The following TRIM63 variants were observed in gnomAD, a reference collection of about 807,000 sequenced individuals.
TRIM63 encodes the protein tripartite motif containing 63.
In TRIM63, 48 loss-of-function variants were observed where a neutral mutation model predicts 46.0. The observed-to-expected ratio is 1.04, with a 90% CI of 0.83 to 1.33. The LOEUF (loss-of-function observed/expected upper bound fraction) is 1.33. TRIM63 is among the 40% of genes most tolerant of loss of function. TRIM63 has a pLI of 0.00. For synonymous variants in TRIM63, 175 were observed against 162.8 expected, an observed-to-expected ratio of 1.08 and a Z score of -0.57; for missense variants, 455 against 441.2, an observed-to-expected ratio of 1.03 and a Z score of -0.28.
chr1:26,060,501 G>A (rs1047814527), intron 3 of TRIM63, 140 bp from the exon 4 acceptor site: 11 of 633,718 alleles, frequency 1.7e-5, no homozygotes, highest in South Asian at 1.1e-4. Context: ...CCCCTCTTTC[G>A]GGTATAGCTC....
intron 2 of TRIM63, among the ~76,000 whole-genome samples, chr1:26,062,104 C>T (rs2050631335): frequency 6.6e-6 from 1 of 151,942 alleles, no homozygotes; most frequent in Non-Finnish European, 1.5e-5. Context: ...CCCGTCTCTA[C>T]TAAAAACTCA....
Position 26,061,354 on chromosome 1 carries a change from C to T in TRIM63, c.333-20G>A, listed in dbSNP as rs766160846. 1.2e-6 allele frequency: 2 copies of T among 1,611,634 alleles called. No homozygotes were observed. The highest frequency in any genetic ancestry group is 1.3e-5 in the African/African-American group (1 of 75,036). ...GGCCGACTGCAGTGGAGAACAGTCACAAGTCATGGGGGTCCTGTGTCCCTG... is the reference window on the plus strand; with the variant it reads ...GGCCGACTGCAGTGGAGAACAGTCATAAGTCATGGGGGTCCTGTGTCCCTG... On this transcript the variant is annotated intron_variant, in intron 2 of 8. Coordinates refer to ENST00000374272, the MANE Select transcript of TRIM63 (RefSeq NM_032588.4).
chr1:26,061,059 C>T, intron 3 of TRIM63, 107 bp downstream of exon 3: 1 of 1,281,200 alleles, frequency 7.8e-7, no homozygotes. Flanking sequence ...AGAGACTATT[C>T]CTGAAAGGCC....
In TRIM63 at chr1:26,058,456, C is replaced by A. The variant is rs1265332628; in HGVS notation, c.765G>T (p.Lys255Asn). The A allele has an allele frequency of 1.2e-6, 2 of 1,614,200 alleles. No individual in the cohort carries two copies. The highest frequency in any genetic ancestry group is 2.2e-5 in the South Asian group (2 of 91,078). ...TGGCAGTTTCCACCAGCTTTGTGGA[C>A]TTGTCCAGCTGCTCCTGGTACTGCT... ...LIQQYQEQLD[K>N]STKLVETAIQ... The change falls in exon 5 of 9, where the codon AAG (lysine) becomes AAT (asparagine). Residue 255 changes from lysine to asparagine, a missense_variant. By Grantham distance (94) the Lys-to-Asn change is moderately conservative. Transcript: ENST00000374272.
At chr1:26,053,008 A>G (rs1411138969) in intron 8 of TRIM63, among the ~76,000 whole-genome samples, 1 of 152,164 alleles carries the variant, frequency 6.6e-6, no homozygotes, top group Non-Finnish European at 1.5e-5. Flanking sequence ...CAGTGGCGCA[A>G]TCATAGCTCA....
In TRIM63 at chr1:26,057,660, G is replaced by T; in HGVS notation, c.832-10C>A. ...TGAGTTGCTTGGCAGTCTGCAGGGG[G>T]AGAGAGAACAAAGGATTAGGACCGC... is the stretch of plus-strand genomic sequence containing the variant. On this transcript the variant is annotated splice_polypyrimidine_tract_variant and intron_variant, in intron 5 of 8. Transcript: ENST00000374272. 6.2e-7 allele frequency: 1 copy of T among 1,607,438 alleles called. No individual in the cohort carries two copies. The highest frequency in any genetic ancestry group is 1.3e-5 in the African/African-American group (1 of 74,730).
Position 26,066,226 on chromosome 1 carries a change from G to A in TRIM63, c.332+42C>T, listed in dbSNP as rs753535015. ...GCGTGGGGGATCTAGGCACAGCATG[G>A]CTGGGAAGGAGGGCGGGCCCCCAGC... On this transcript the variant is annotated intron_variant, in intron 2 of 8. Coordinates refer to ENST00000374272, the MANE Select transcript of TRIM63 (RefSeq NM_032588.4). 8.7e-6 allele frequency: 14 copies of A among 1,609,316 alleles called. No individual in the cohort carries two copies. The African/African-American group carries it at 1.6e-4, about 18-fold the overall frequency.
intron 7 of TRIM63, among the ~76,000 whole-genome samples, chr1:26,056,714 C>T (rs1216830285): frequency 6.6e-6 from 1 of 151,944 alleles, no homozygotes; most frequent in East Asian, 1.9e-4. Flanking sequence ...CTGCACCAGG[C>T]ACTGTGCTAG....
At chr1:26,054,989 G>T (rs890433051) in intron 7 of TRIM63, among the ~76,000 whole-genome samples, 3 of 149,244 alleles carry the variant, frequency 2.0e-5, no homozygotes, top group African/African-American at 7.5e-5. Context: ...AAAAAAAATA[G>T]TATCTCCAAA....
intron 2 of TRIM63, among the ~76,000 whole-genome samples, chr1:26,062,182 A>C (rs2050631900): frequency 6.6e-6 from 1 of 151,978 alleles, no homozygotes; most frequent in Admixed American, 6.6e-5. Context: ...AGGCAGGAGA[A>C]TCACTTGAAA....
rs747250948 is a variant in TRIM63, at chr1:26,051,844, A to T, written c.*29T>A. The stretch of plus-strand genomic sequence containing the variant: ...TCCCCACCCTCTCCAGTCTCTCTGC[A>T]TCTGGGGGCCTCTCATTCATCCAGC... On this transcript the variant is annotated 3_prime_UTR_variant, in exon 9 of 9. Transcript: ENST00000374272. 2 of 1,193,384 alleles carry T rather than the reference A, an allele frequency of 1.7e-6. No individual in the cohort carries two copies. The highest frequency in any genetic ancestry group is 1.1e-6 in the Non-Finnish European group (1 of 947,860). 73.9% of individuals were successfully genotyped at this position (1,193,384 alleles called of 1,614,324 possible). A position where few individuals can be genotyped will look rare whatever the true frequency, so the allele number is the denominator to read the frequency against.
At chr1:26,065,395 G>A (rs2050667238) in intron 2 of TRIM63, among the ~76,000 whole-genome samples, 1 of 152,122 alleles carries the variant, frequency 6.6e-6, no homozygotes, top group Non-Finnish European at 1.5e-5. Context: ...CACAATCATG[G>A]CTCTGCAGCC....
At chr1:26,053,778 A>G in intron 8 of TRIM63, 115 bp downstream of exon 8, 1 of 781,914 alleles carries the variant, frequency 1.3e-6, no homozygotes, top group Admixed American at 2.7e-5. Flanking sequence ...CGTGCTGGGG[A>G]CAGTTCTGAG....
chr1:26,060,288 T>C lies in TRIM63; in HGVS notation c.575A>G (p.Glu192Gly). 1 of 1,614,004 alleles carries C rather than the reference T, an allele frequency of 6.2e-7. No homozygotes were observed. Among genetic ancestry groups the C allele is most frequent in the Non-Finnish European group, 8.5e-7 (1 of 1,179,986 alleles). The change falls in exon 4 of 9, where the codon GAG becomes GGG. Residue 192 changes from glutamate (E) to glycine (G), a missense_variant. Transcript: ENST00000374272. ...DRVQTIITQL[E>G]DSRRVTKENS... is the part of the protein sequence containing the mutation. ...CACCTTGGTCACTCGACGGGAATCC[T>C]CCAGCTGAGTGATGATGGTCTGCAC...
rs772441844 is a variant in TRIM63 at position 26,067,463 on chromosome 1, C to G, written c.32G>C (p.Gly11Ala). The change falls in exon 1 of 9, where the codon GGG becomes GCG. Residue 11 changes from glycine (G) to alanine (A), a missense_variant. By Grantham distance (60) the Gly-to-Ala change is moderately conservative. Transcript: ENST00000374272. The stretch of plus-strand genomic sequence containing the variant: ...CTTCTCCAAGTTCTCCATGGGATTC[C>G]CATCCTGGATCAGGCTCGACTTATA... MDYKSSLIQDGNPMENLEKQL... is the reference protein window; with the variant it reads MDYKSSLIQDANPMENLEKQL... 1 of 1,614,000 alleles carries G rather than the reference C, an allele frequency of 6.2e-7. No homozygotes were observed. The highest frequency in any genetic ancestry group is 1.3e-5 in the African/African-American group (1 of 74,922).
intron 1 of TRIM63, 41 bp from the exon 2 acceptor site, chr1:26,066,481 C>T (rs755505408): frequency 1.3e-6 from 2 of 1,491,216 alleles, no homozygotes; most frequent in African/African-American, 1.4e-5. Context: ...GGGCTCCCTA[C>T]TTAGCCCTTC....
At chr1:26,061,397 C>G in intron 2 of TRIM63, 63 bp from the exon 3 acceptor site, 1 of 1,560,512 alleles carries the variant, frequency 6.4e-7, no homozygotes. Context: ...CTCCCCAGCT[C>G]CAATGCACCA....
chr1:26,051,374 G>C lies in TRIM63; in HGVS notation c.*499C>G, dbSNP rs577476525. On this transcript the variant is annotated 3_prime_UTR_variant, in exon 9 of 9. Transcript: ENST00000374272. ...ATAACACAAACTCAGTTACCACCCCGTATGTCTGGGATAGGCACTGAAATA... is the reference window on the plus strand; with the variant it reads ...ATAACACAAACTCAGTTACCACCCCCTATGTCTGGGATAGGCACTGAAATA... The C allele has an allele frequency of 2.6e-5, 4 of 152,978 alleles. No homozygotes were observed. The highest frequency in any genetic ancestry group is 9.6e-5 in the African/African-American group (4 of 41,552). The allele number at this position is 152,978 out of a possible 1,614,324, so 9.5% of individuals were successfully genotyped here. A position where few individuals can be genotyped will look rare whatever the true frequency, so the allele number is the denominator to read the frequency against.
rs751802752 is a variant in TRIM63, at chr1:26,060,324, C to T, written c.539G>A (p.Gly180Glu). The change falls in exon 4 of 9, where the codon GGG becomes GAG. Residue 180 changes from glycine to glutamate, a missense_variant. Physicochemically the swap from Gly to Glu is moderately conservative, Grantham distance 98 (BLOSUM62 -2). Coordinates refer to ENST00000374272, the MANE Select transcript of TRIM63 (RefSeq NM_032588.4). ...GATGATGGTCTGCACACGGTCATTC[C>T]CCGCCACCAGCATGGAGATACAGTT... ...LNNCISMLVA[G>E]NDRVQTIITQ... The T allele has an allele frequency of 2.5e-6, 4 of 1,614,012 alleles. No individual in the cohort carries two copies. Among genetic ancestry groups the T allele is most frequent in the Non-Finnish European group, 3.4e-6 (4 of 1,179,986 alleles).
Sources: gnomAD v4.1 joint callset for allele counts (sites outside exome capture counted in the v4.1 genomes callset) on GRCh38, gnomAD v4.1.1 for gene constraint, MANE v1.5 for transcripts, NCBI Gene and HGNC (gene_info 2026-07-23, HGNC 2026-07-21) for gene names.